The following NLGN2 variants were observed in gnomAD, a reference collection of about 807,000 sequenced individuals.
NLGN2 encodes neuroligin 2, also known as neuroligin-2.
A neutral mutation model predicts 48.6 loss-of-function variants in NLGN2; 11 were observed. The observed-to-expected ratio is 0.23, with a 90% CI of 0.14 to 0.37. NLGN2 has a LOEUF of 0.37. Ranked by LOEUF, NLGN2 falls within the 10% of genes least tolerant of loss-of-function variation. NLGN2 has a pLI of 1.00. For synonymous variants in NLGN2, 548 were observed against 550.0 expected (o/e 1.00, Z 0.05); for missense variants, 801 against 1,225.2 (o/e 0.65, Z 5.17).
chr17:7,406,582 G>C (rs1180505738), upstream of NLGN2, among the ~76,000 whole-genome samples: 1 of 142,268 alleles, frequency 7.0e-6, no homozygotes, highest in Admixed American at 7.5e-5. Flanking sequence ...CCTGCAGAGA[G>C]CCACCCGCGG....
rs759117838 is a variant in NLGN2 at position 7,417,241 on chromosome 17, TCCCGAGCCCGAG to T, written c.1961_1972del (p.Glu654_Pro657del). The T allele has an allele frequency of 3.9e-6, 6 of 1,540,866 alleles. No homozygotes were observed. The highest frequency in any genetic ancestry group is 1.4e-5 in the African/African-American group (1 of 70,838). On this transcript the variant is annotated inframe_deletion, in exon 7 of 7. Transcript: ENST00000302926. ...GGCCCCCGCCGCCTGCCACCCTGCC[TCCCGAGCCCGAG>T]CCCGAGCCCGGCCCAAGGGCCTATG...
rs980776944 is a variant in NLGN2, at chr17:7,411,925, A to G, written c.458-232A>G. Reference sequence around the variant, plus strand: ...CCAAAACCAGCCTTTTCTTTGGGGCATGACTTTTTCTGGGGAGGGGAACAA... The same window carrying G: ...CCAAAACCAGCCTTTTCTTTGGGGCGTGACTTTTTCTGGGGAGGGGAACAA... On this transcript the variant is annotated intron_variant, in intron 1 of 6. Coordinates refer to ENST00000302926, the MANE Select transcript of NLGN2 (RefSeq NM_020795.4). The surrounding 1 kb of genome is among the most constrained non-coding windows in gnomAD (Gnocchi z 4.5). 1.4e-5 allele frequency among the ~76,000 whole-genome samples: 2 copies of G among 145,316 alleles called. No homozygotes were observed. The highest frequency in any genetic ancestry group is 3.0e-5 in the Non-Finnish European group (2 of 66,240).
In NLGN2 at chr17:7,419,453, AG is replaced by A. The variant is rs1907298227; in HGVS notation, c.*1658del. 6.5e-6 allele frequency: 1 copy of A among 152,692 alleles called. No homozygotes were observed. The highest frequency in any genetic ancestry group is 6.5e-5 in the Admixed American group (1 of 15,286). The allele number at this position is 152,692 out of a possible 1,614,324, so 9.5% of individuals were successfully genotyped here. A position where few individuals can be genotyped will look rare whatever the true frequency, so the allele number is the denominator to read the frequency against. On this transcript the variant is annotated 3_prime_UTR_variant, in exon 7 of 7. Coordinates refer to ENST00000302926, the MANE Select transcript of NLGN2 (RefSeq NM_020795.4). Reference sequence around the variant, plus strand: ...TGGGGTGTTAGTGCCAAACTTGAATAGGGGCTGGGGTGCTGTCTTCCACTGA... The same window carrying A: ...TGGGGTGTTAGTGCCAAACTTGAATAGGGCTGGGGTGCTGTCTTCCACTGA...
Position 7,411,099 on chromosome 17 carries a change from C to A in NLGN2, c.458-1058C>A, listed in dbSNP as rs1227405508. Among the ~76,000 whole-genome samples the A allele has an allele frequency of 2.0e-5, 3 of 152,262 alleles. No individual in the cohort carries two copies. The highest frequency in any genetic ancestry group is 6.5e-5 in the Admixed American group (1 of 15,288). ...GCTCGCCCCTGACCAACCCCGTAAT[C>A]TGGAAGAAGCCCTGACACTGGGCGA... On this transcript the variant is annotated intron_variant, in intron 1 of 6. Coordinates refer to ENST00000302926, the MANE Select transcript of NLGN2 (RefSeq NM_020795.4). The surrounding 1 kb of genome is among the most constrained non-coding windows in gnomAD (Gnocchi z 4.5).
At chr17:7,406,070 A>G (rs1906624458), upstream of NLGN2, among the ~76,000 whole-genome samples, 1 of 152,168 alleles carries the variant, frequency 6.6e-6, no homozygotes, top group Non-Finnish European at 1.5e-5. Flanking sequence ...GACAGGAGAG[A>G]GAGACAGAAG....
intron 3 of NLGN2, 31 bp from the exon 4 acceptor site, chr17:7,414,632 T>C: frequency 6.2e-7 from 1 of 1,612,938 alleles, no homozygotes; most frequent in Non-Finnish European, 8.5e-7. Context: ...CTGTGACACC[T>C]CCAGGGAGCC....
intron 2 of NLGN2, among the ~76,000 whole-genome samples, chr17:7,412,621 A>C (rs1304079544): frequency 6.6e-6 from 1 of 152,226 alleles, no homozygotes; most frequent in African/African-American, 2.4e-5. Context: ...AAAAATTTAA[A>C]AGTTGGCAAA....
chr17:7,414,757 C>A lies in NLGN2; in HGVS notation c.753C>A (p.His251Gln), dbSNP rs1907029691. 1 of 1,613,982 alleles carries A rather than the reference C, an allele frequency of 6.2e-7. No individual in the cohort carries two copies. ...ALRWLSENIA[H>Q]FGGDPERITI... ...GCTGGCTCAGTGAAAACATCGCCCA[C>A]TTTGGGGGCGACCCCGAGCGTATCA... The change falls in exon 4 of 7, where the codon CAC becomes CAA. Residue 251 changes from histidine (H) to glutamine (Q), a missense_variant. His to Gln is a conservative substitution (Grantham distance 24). Transcript: ENST00000302926.
At chr17:7,406,664 C>T (rs1356107469), upstream of NLGN2, among the ~76,000 whole-genome samples, 1 of 122,442 alleles carries the variant, frequency 8.2e-6, no homozygotes, top group Non-Finnish European at 1.8e-5. Flanking sequence ...GGGGGGGGGG[C>T]TTGCCGAAAT....
At chr17:7,416,210 G>A in intron 6 of NLGN2, 103 bp downstream of exon 6, 2 of 919,546 alleles carry the variant, frequency 2.2e-6, no homozygotes, top group Non-Finnish European at 1.7e-6. Flanking sequence ...CCTCTTGCTC[G>A]AGTGAAACCA....
rs770105766 is a variant in NLGN2 at position 7,417,807 on chromosome 17, G to A, written c.*8G>A. ...TCCACCACTCGGGTATAGGGGGTGGGTGGGGAGGCCCTCCTCCCCGGCCCT... is the reference window on the plus strand; with the variant it reads ...TCCACCACTCGGGTATAGGGGGTGGATGGGGAGGCCCTCCTCCCCGGCCCT... On this transcript the variant is annotated 3_prime_UTR_variant, in exon 7 of 7. Coordinates refer to ENST00000302926, the MANE Select transcript of NLGN2 (RefSeq NM_020795.4). 1.3e-5 allele frequency: 18 copies of A among 1,350,826 alleles called. No homozygotes were observed. In the African/African-American group the frequency reaches 2.5e-4, roughly 18 times the overall value. 83.7% of individuals were successfully genotyped at this position (1,350,826 alleles called of 1,614,324 possible). A position where few individuals can be genotyped will look rare whatever the true frequency, so the allele number is the denominator to read the frequency against.
chr17:7,414,930 G>T, intron 4 of NLGN2, 26 bp from the exon 5 acceptor site: 1 of 1,613,242 alleles, frequency 6.2e-7, no homozygotes, highest in South Asian at 1.1e-5. Flanking sequence ...CTCACAGCCT[G>T]GCCTGAGGTC....
At position 7,415,708 on chromosome 17, in the gene NLGN2, A is replaced by G. The variant is rs1450604624; in HGVS notation, c.1235A>G (p.Asn412Ser). The G allele has an allele frequency of 8.1e-6, 13 of 1,614,104 alleles. No individual in the cohort carries two copies. Among genetic ancestry groups the G allele is most frequent in the Non-Finnish European group, 1.0e-5 (12 of 1,180,046 alleles). Residue 412 changes from asparagine (N) to serine (S), a missense_variant, in exon 6 of 7, where the codon AAC (asparagine) becomes AGC (serine). Asn to Ser is a conservative substitution (Grantham distance 46). Coordinates refer to ENST00000302926, the MANE Select transcript of NLGN2 (RefSeq NM_020795.4). ...SASAFDFTVS[N>S]FVDNLYGYPE... ...AGCGCCTTTGACTTCACTGTCTCCA[A>G]CTTTGTGGACAACCTGTATGGCTAC...
chr17:7,408,717 G>A lies in NLGN2; in HGVS notation c.457+5G>A. The stretch of plus-strand genomic sequence containing the variant: ...TCTACGTGCCCACCGAGGACGGTAA[G>A]GGCGCGGGCACAAAGCCGGGCACCC... On this transcript the variant is annotated splice_donor_5th_base_variant and intron_variant, in intron 1 of 6. Transcript: ENST00000302926. The surrounding 1 kb of genome is among the most constrained non-coding windows in gnomAD (Gnocchi z 7.5). The A allele has an allele frequency of 6.2e-7, 1 of 1,612,854 alleles. No individual in the cohort carries two copies. The highest frequency in any genetic ancestry group is 8.5e-7 in the Non-Finnish European group (1 of 1,179,642).
chr17:7,406,810 G>A (rs568839659), upstream of NLGN2, among the ~76,000 whole-genome samples: 107 of 152,260 alleles, frequency 7.0e-4, no homozygotes, highest in African/African-American at 2.5e-3. Flanking sequence ...GTTGGGATGG[G>A]AAGAGAAGAA....
Position 7,415,701 on chromosome 17 carries a change from G to A in NLGN2, c.1228G>A (p.Val410Ile), listed in dbSNP as rs1443103426. The A allele has an allele frequency of 6.2e-7, 1 of 1,614,270 alleles. No homozygotes were observed. ...GVSASAFDFT[V>I]SNFVDNLYGY... ...GTCTGCCAGCGCCTTTGACTTCACT[G>A]TCTCCAACTTTGTGGACAACCTGTA... Residue 410 changes from valine to isoleucine, a missense_variant, in exon 6 of 7, where the codon GTC becomes ATC. Val to Ile is a conservative substitution (Grantham distance 29, BLOSUM62 3). Coordinates refer to ENST00000302926, the MANE Select transcript of NLGN2 (RefSeq NM_020795.4).
At chr17:7,406,654 G>C (rs957930000), upstream of NLGN2, among the ~76,000 whole-genome samples, 2 of 29,720 alleles carry the variant, frequency 6.7e-5, no homozygotes, top group South Asian at 1.3e-3. Context: ...GTGGGGGGGC[G>C]GGGGGGGGGC....
In NLGN2 at chr17:7,408,351, C is replaced by A; in HGVS notation, c.96C>A (p.Gly32=). Reference sequence around the variant, plus strand: ...GCGCCCCGGGCGGCCCCGGCCTGGGCCTCGGCAGCCTCGGCGAGGAGCGCT... The same window carrying A: ...GCGCCCCGGGCGGCCCCGGCCTGGGACTCGGCAGCCTCGGCGAGGAGCGCT... ...GGGAPGGPGL[G]LGSLGEERFP... is the part of the protein sequence containing the mutation. Residue 32 remains glycine, a synonymous_variant, in exon 1 of 7, where the codon GGC becomes GGA. Coordinates refer to ENST00000302926, the MANE Select transcript of NLGN2 (RefSeq NM_020795.4). This position sits in a 1 kb window ranked among gnomAD's most constrained non-coding sequence, Gnocchi z 7.5. 6.7e-7 allele frequency: 1 copy of A among 1,482,776 alleles called. No homozygotes were observed. The allele number at this position is 1,482,776 out of a possible 1,614,324, so 91.9% of individuals were successfully genotyped here.
upstream of NLGN2, among the ~76,000 whole-genome samples, chr17:7,406,645 TG>T (rs1331732543): frequency 1.3e-4 from 1 of 7,990 alleles, no homozygotes; most frequent in Non-Finnish European, 3.0e-4. Flanking sequence ...TGGCGGCTGG[TG>T]GGGGGGCGGG....
Sources: gnomAD v4.1 joint callset for allele counts (sites outside exome capture counted in the v4.1 genomes callset) on GRCh38, gnomAD v4.1.1 for gene constraint, Gnocchi (gnomAD v3.1) non-coding constraint, MANE v1.5 for transcripts, NCBI Gene and HGNC (gene_info 2026-07-23, HGNC 2026-07-21) for gene names.